The following TRIM44 variants were observed in gnomAD, a reference collection of about 807,000 sequenced individuals.
TRIM44 encodes tripartite motif-containing protein 44.
A neutral mutation model predicts 37.4 loss-of-function variants in TRIM44; 13 were observed. That is an observed-to-expected ratio of 0.35 (90% confidence interval 0.23 to 0.55). TRIM44 has a LOEUF of 0.55. Ranked by LOEUF, TRIM44 falls within the 20% of genes least tolerant of loss-of-function variation. The probability of loss-of-function intolerance (pLI) is 0.89; values close to 1 mark genes in which losing one functional copy is unlikely to be tolerated. For missense variants in TRIM44, 426 were observed against 437.2 expected (o/e 0.97, Z 0.23); for synonymous variants, 175 against 157.2 (o/e 1.11, Z -0.85).
At chr11:35,674,062 A>T (rs901063568) in intron 1 of TRIM44, among the ~76,000 whole-genome samples, 1 of 152,068 alleles carries the variant, frequency 6.6e-6, no homozygotes, top group Non-Finnish European at 1.5e-5. Flanking sequence ...GGCAGTAAGG[A>T]ACACAGATGC....
intron 4 of TRIM44, among the ~76,000 whole-genome samples, chr11:35,774,537 C>T (rs1039505521): frequency 2.0e-5 from 3 of 152,166 alleles, no homozygotes; most frequent in Non-Finnish European, 4.4e-5. Flanking sequence ...TCATGAAGTC[C>T]TTGCCCCTGC....
chr11:35,810,321 T>A lies in TRIM44; in HGVS notation c.*3936T>A, dbSNP rs1363672503. Reference sequence around the variant, plus strand: ...CATATAATGGCTGTGCAATACATGCTTCTCAATAAGAAAATTAACTGCACG... The same window carrying A: ...CATATAATGGCTGTGCAATACATGCATCTCAATAAGAAAATTAACTGCACG... On this transcript the variant is annotated 3_prime_UTR_variant, in exon 5 of 5. Coordinates refer to ENST00000299413, the MANE Select transcript of TRIM44 (RefSeq NM_017583.6). 1 of 152,182 alleles carries A rather than the reference T, an allele frequency of 6.6e-6. No homozygotes were observed. The highest frequency in any genetic ancestry group is 6.5e-5 in the Admixed American group (1 of 15,268). 9.4% of individuals were successfully genotyped at this position (152,182 alleles called of 1,614,324 possible).
At position 35,666,831 on chromosome 11, in the gene TRIM44, G is replaced by GT. The variant is rs887192568; in HGVS notation, c.669+3058dup. ...GGAATATGATTAACTTTTATATATT[G>GT]TTTTTTTGTGATCTATCTGCTGAAT... On this transcript the variant is annotated intron_variant, in intron 1 of 4. Coordinates refer to ENST00000299413, the MANE Select transcript of TRIM44 (RefSeq NM_017583.6). 2.6e-4 allele frequency among the ~76,000 whole-genome samples: 36 copies of GT among 136,192 alleles called. 1 individual carries two copies. The highest frequency in any genetic ancestry group is 1.8e-3 in the Admixed American group (27 of 14,684). 89.3% of individuals were successfully genotyped at this position (136,192 alleles called of 152,430 possible).
At chr11:35,746,147 A>G (rs1294724933) in intron 4 of TRIM44, among the ~76,000 whole-genome samples, 1 of 152,214 alleles carries the variant, frequency 6.6e-6, no homozygotes, top group Non-Finnish European at 1.5e-5. Context: ...TGAGGAGTCT[A>G]GCTGCAGCCT....
chr11:35,744,801 TAA>T (rs1852466173), intron 4 of TRIM44, among the ~76,000 whole-genome samples: 1 of 152,140 alleles, frequency 6.6e-6, no homozygotes, highest in Non-Finnish European at 1.5e-5. Context: ...AGCTCCCACT[TAA>T]AGTGAGAATG....
At chr11:35,764,858 G>C (rs1852773155) in intron 4 of TRIM44, among the ~76,000 whole-genome samples, 1 of 151,956 alleles carries the variant, frequency 6.6e-6, no homozygotes, top group Non-Finnish European at 1.5e-5. Flanking sequence ...TGATTACTTT[G>C]ACTTCTCAGT....
Position 35,811,063 on chromosome 11 carries a change from CAG to C in TRIM44, c.*4681_*4682del, listed in dbSNP as rs1565046974. On this transcript the variant is annotated 3_prime_UTR_variant, in exon 5 of 5. Coordinates refer to ENST00000299413, the MANE Select transcript of TRIM44 (RefSeq NM_017583.6). ...ATTACTGGAAATGCCATTTGTCTCTCAGAGTTGTGCACAAAGGACCCTGCAAG... is the reference window on the plus strand; with the variant it reads ...ATTACTGGAAATGCCATTTGTCTCTCAGTTGTGCACAAAGGACCCTGCAAG... 6.6e-6 allele frequency: 1 copy of C among 152,140 alleles called. No homozygotes were observed. The highest frequency in any genetic ancestry group is 6.5e-5 in the Admixed American group (1 of 15,270). 9.4% of individuals were successfully genotyped at this position (152,140 alleles called of 1,614,324 possible).
At chr11:35,699,984 T>C (rs1283950554) in intron 2 of TRIM44, among the ~76,000 whole-genome samples, 1 of 152,154 alleles carries the variant, frequency 6.6e-6, no homozygotes, top group Non-Finnish European at 1.5e-5. Flanking sequence ...TCCATGCTCA[T>C]GGGTAGGAAG....
Position 35,734,334 on chromosome 11 carries a change from G to T in TRIM44, c.988-1092G>T, listed in dbSNP as rs565501298. Among the ~76,000 whole-genome samples, 4 of 152,236 alleles carry T rather than the reference G, an allele frequency of 2.6e-5. No homozygotes were observed. In the East Asian group the frequency reaches 7.7e-4, roughly 29 times the overall value. ...CATTTAATCCTCATACTCATCCTAT[G>T]ATACAGAGACAATTATTACCCCATT... On this transcript the variant is annotated intron_variant, in intron 3 of 4. Coordinates refer to ENST00000299413, the MANE Select transcript of TRIM44 (RefSeq NM_017583.6).
intron 1 of TRIM44, among the ~76,000 whole-genome samples, chr11:35,684,448 A>C (rs1392529966): frequency 1.3e-5 from 2 of 152,238 alleles, no homozygotes; most frequent in Non-Finnish European, 2.9e-5. Flanking sequence ...TTATACTGTA[A>C]TAATAGTAAT....
rs1361838955 is a variant in TRIM44, at chr11:35,706,877, A to G, written c.748-19047A>G. Reference sequence around the variant, plus strand: ...CAAGACAGGGATGCCCTCTCTCACCACTCCTATTCAACATAGTGTTGGAAG... The same window carrying G: ...CAAGACAGGGATGCCCTCTCTCACCGCTCCTATTCAACATAGTGTTGGAAG... On this transcript the variant is annotated intron_variant, in intron 2 of 4. Transcript: ENST00000299413. Among the ~76,000 whole-genome samples the G allele has an allele frequency of 4.7e-5, 7 of 149,812 alleles. No homozygotes were observed. In the East Asian group the frequency reaches 5.8e-4, roughly 13 times the overall value.
At position 35,700,045 on chromosome 11, in the gene TRIM44, A is replaced by T. The variant is rs184503474; in HGVS notation, c.747+14709A>T. Among the ~76,000 whole-genome samples the T allele has an allele frequency of 9.8e-3, 1,487 of 152,290 alleles. 25 individuals are homozygous for T. The highest frequency in any genetic ancestry group is 0.033 in the African/African-American group (1,367 of 41,546). On this transcript the variant is annotated intron_variant, in intron 2 of 4. Coordinates refer to ENST00000299413, the MANE Select transcript of TRIM44 (RefSeq NM_017583.6). ...CTGCCCAAGGTAATTTATAGATTCAATGCCATCCCCATGAAGCTACCAATG... is the reference window on the plus strand; with the variant it reads ...CTGCCCAAGGTAATTTATAGATTCATTGCCATCCCCATGAAGCTACCAATG...
At chr11:35,663,941 CTT>C (rs1240008858) in intron 1 of TRIM44, among the ~76,000 whole-genome samples, 161 bp downstream of exon 1, 3 of 152,122 alleles carry the variant, frequency 2.0e-5, no homozygotes, top group East Asian at 1.9e-4. Context: ...TGGTTGAACT[CTT>C]TTGAGAATCT....
At chr11:35,802,426 A>G (rs2133884164) in intron 4 of TRIM44, among the ~76,000 whole-genome samples, 1 of 152,276 alleles carries the variant, frequency 6.6e-6, no homozygotes, top group South Asian at 2.1e-4. Context: ...GAAGTGTGGG[A>G]GTATGGTGAT....
At chr11:35,730,331 A>T (rs1852240144) in intron 3 of TRIM44, among the ~76,000 whole-genome samples, 1 of 152,216 alleles carries the variant, frequency 6.6e-6, no homozygotes, top group Admixed American at 6.5e-5. Context: ...AAATAATTGA[A>T]CTGAGCTTCA....
At chr11:35,688,163 AG>A (rs1439979221) in intron 2 of TRIM44, among the ~76,000 whole-genome samples, 1 of 152,162 alleles carries the variant, frequency 6.6e-6, no homozygotes, top group Non-Finnish European at 1.5e-5. Flanking sequence ...GAAATCTCTT[AG>A]GCTTTGTGAC....
At chr11:35,805,827 A>G (rs549927969) in intron 4 of TRIM44, among the ~76,000 whole-genome samples, 1 of 152,324 alleles carries the variant, frequency 6.6e-6, no homozygotes, top group Admixed American at 6.5e-5. Context: ...AGTCCTACTT[A>G]GTAGAGTACC....
chr11:35,738,304 G>A (rs193049853), intron 4 of TRIM44, among the ~76,000 whole-genome samples: 6 of 152,294 alleles, frequency 3.9e-5, no homozygotes, highest in Admixed American at 3.9e-4. Context: ...TCTGGCTTTA[G>A]AGTTTAATTG....
At position 35,707,644 on chromosome 11, in the gene TRIM44, C is replaced by G. The variant is rs1178479785; in HGVS notation, c.748-18280C>G. ...ACTATCTGTTCTTTGACAAACCTGACAAAAACAAGAGATGGGGAAAGGATT... is the reference window on the plus strand; with the variant it reads ...ACTATCTGTTCTTTGACAAACCTGAGAAAAACAAGAGATGGGGAAAGGATT... On this transcript the variant is annotated intron_variant, in intron 2 of 4. Coordinates refer to ENST00000299413, the MANE Select transcript of TRIM44 (RefSeq NM_017583.6). Among the ~76,000 whole-genome samples the G allele has an allele frequency of 2.7e-5, 4 of 147,688 alleles. No homozygotes were observed. In the East Asian group the frequency reaches 5.9e-4, roughly 22 times the overall value.
Sources: gnomAD v4.1 joint callset for allele counts (sites outside exome capture counted in the v4.1 genomes callset) on GRCh38, gnomAD v4.1.1 for gene constraint, MANE v1.5 for transcripts, NCBI Gene and HGNC (gene_info 2026-07-23, HGNC 2026-07-21) for gene names.